The following FSD1L variants were observed in gnomAD, a reference collection of about 807,000 sequenced individuals.
The protein encoded by FSD1L is FSD1-like protein.
FSD1L carries 45 observed loss-of-function variants against 71.6 expected under a neutral mutation model. That is an observed-to-expected ratio of 0.63 (90% CI 0.49 to 0.81). The LOEUF (loss-of-function observed/expected upper bound fraction) is 0.81, where lower values mean the gene tolerates loss of function less well. FSD1L is among the 30% of genes least tolerant of loss of function. FSD1L has a pLI of 0.00. For synonymous variants in FSD1L, 197 were observed against 207.2 expected (o/e 0.95, Z 0.42); for missense variants, 561 against 618.1 (o/e 0.91, Z 0.98).
intron 1 of FSD1L, among the ~76,000 whole-genome samples, chr9:105,449,858 G>A (rs1443625503): frequency 6.6e-6 from 1 of 152,180 alleles, no homozygotes; most frequent in Non-Finnish European, 1.5e-5. Flanking sequence ...CGAATGATGT[G>A]TTAGGGTACC....
At chr9:105,442,959 A>G (rs1321707865), upstream of FSD1L, among the ~76,000 whole-genome samples, 1 of 152,220 alleles carries the variant, frequency 6.6e-6, no homozygotes, top group African/African-American at 2.4e-5. Flanking sequence ...CTTCCATACA[A>G]TAGCCCTAAA....
At chr9:105,485,913 G>C (rs1832520174) in intron 7 of FSD1L, among the ~76,000 whole-genome samples, 1 of 152,140 alleles carries the variant, frequency 6.6e-6, no homozygotes, top group African/African-American at 2.4e-5. Flanking sequence ...AAAGTGCTGG[G>C]ATTACAGGCG....
At chr9:105,514,294 T>C (rs1231029513) in intron 10 of FSD1L, among the ~76,000 whole-genome samples, 2 of 152,364 alleles carry the variant, frequency 1.3e-5, no homozygotes, top group East Asian at 3.9e-4. Flanking sequence ...TAATAGTCTA[T>C]GAGTAGACTA....
At chr9:105,522,702 A>C (rs1835253318) in intron 10 of FSD1L, 1 of 1,609,414 alleles carries the variant, frequency 6.2e-7, no homozygotes, top group African/African-American at 1.3e-5. Context: ...TAAAGAGGAC[A>C]TGAGCCAAAA....
chr9:105,458,711 T>C lies in FSD1L; in HGVS notation c.16-2809T>C, dbSNP rs147289478. 5.5e-3 allele frequency among the ~76,000 whole-genome samples: 835 copies of C among 152,308 alleles called. 10 individuals carry two copies. Among genetic ancestry groups the C allele is most frequent in the African/African-American group, 0.019 (809 of 41,580 alleles). On this transcript the variant is annotated intron_variant, in intron 1 of 13. Coordinates refer to ENST00000481272, the MANE Select transcript of FSD1L (RefSeq NM_001145313.3). ...CAGGGTTGTGGATTCCATCAGGAAC[T>C]GGCAGCCCAGTTTTCAGGCTTCAGA...
At chr9:105,544,792 G>A (rs1474001581) in intron 13 of FSD1L, among the ~76,000 whole-genome samples, 1 of 152,156 alleles carries the variant, frequency 6.6e-6, no homozygotes, top group African/African-American at 2.4e-5. Flanking sequence ...CTATATCTCT[G>A]TTTTGGTACC....
intron 8 of FSD1L, among the ~76,000 whole-genome samples, chr9:105,507,728 A>G (rs1011331954): frequency 6.6e-6 from 1 of 152,180 alleles, no homozygotes; most frequent in Non-Finnish European, 1.5e-5. Flanking sequence ...GTTATTGTAA[A>G]TTGTACCATC....
intron 7 of FSD1L, among the ~76,000 whole-genome samples, chr9:105,504,963 T>C (rs1271637696): frequency 1.3e-5 from 2 of 152,168 alleles, no homozygotes; most frequent in African/African-American, 4.8e-5. Flanking sequence ...ATATACAATT[T>C]CCCCTGTTAT....
In FSD1L at chr9:105,551,472, G is replaced by A. The variant is rs910443115; in HGVS notation, c.*4989G>A. The A allele has an allele frequency of 5.9e-5, 9 of 152,070 alleles. No individual in the cohort carries two copies. The highest frequency in any genetic ancestry group is 2.6e-4 in the Admixed American group (4 of 15,256). The allele number at this position is 152,070 out of a possible 1,614,324, so 9.4% of individuals were successfully genotyped here. ...TGTTGTGAGGAAATAAAATGAAATGGAGTATGTGAAATTGCTTCAGCAACA... is the reference window on the plus strand; with the variant it reads ...TGTTGTGAGGAAATAAAATGAAATGAAGTATGTGAAATTGCTTCAGCAACA... On this transcript the variant is annotated 3_prime_UTR_variant, in exon 14 of 14. Transcript: ENST00000481272.
At chr9:105,450,756 C>T in intron 1 of FSD1L, among the ~76,000 whole-genome samples, 1 of 151,726 alleles carries the variant, frequency 6.6e-6, no homozygotes, top group Admixed American at 6.6e-5. Flanking sequence ...TGGTCTCAAA[C>T]TCCTGACCTC....
intron 7 of FSD1L, among the ~76,000 whole-genome samples, chr9:105,495,969 TAA>T (rs753244834): frequency 1.1e-3 from 151 of 134,970 alleles, no homozygotes; most frequent in Non-Finnish European, 1.3e-3. Flanking sequence ...AGACTCCATC[TAA>T]AAAAAAAAAA....
At chr9:105,520,382 C>G (rs965210153) in intron 10 of FSD1L, 2 of 1,201,778 alleles carry the variant, frequency 1.7e-6, no homozygotes, top group African/African-American at 3.0e-5. Context: ...ATCTATTGAT[C>G]TTAAACAGTT....
At chr9:105,520,492 G>A (rs568026820) in intron 10 of FSD1L, 10 of 1,058,642 alleles carry the variant, frequency 9.4e-6, no homozygotes, top group Non-Finnish European at 1.5e-5. Context: ...TCAAAGAGAG[G>A]AACTGGATGC....
chr9:105,485,537 T>TG (rs1300436172), intron 7 of FSD1L, among the ~76,000 whole-genome samples: 7 of 149,270 alleles, frequency 4.7e-5, no homozygotes, highest in Non-Finnish European at 8.9e-5. Flanking sequence ...TTAGGTGTTT[T>TG]TTTTTTTTTT....
chr9:105,488,184 C>T (rs770835451), intron 7 of FSD1L, among the ~76,000 whole-genome samples: 3 of 152,170 alleles, frequency 2.0e-5, no homozygotes, highest in East Asian at 1.9e-4. Context: ...ATATTTTCAT[C>T]GTTCCTTACT....
chr9:105,520,526 T>C, intron 10 of FSD1L: 2 of 1,177,026 alleles, frequency 1.7e-6, no homozygotes, highest in Non-Finnish European at 2.5e-6. Context: ...TTTGAGAAAA[T>C]TTTACAACTT....
intron 4 of FSD1L, among the ~76,000 whole-genome samples, chr9:105,469,058 C>T (rs1039615070): frequency 6.6e-6 from 1 of 152,206 alleles, no homozygotes; most frequent in East Asian, 1.9e-4. Flanking sequence ...AGCATAATGT[C>T]CTCAAGATTT....
At position 105,471,905 on chromosome 9, in the gene FSD1L, G is replaced by A. The variant is rs781418038; in HGVS notation, c.341G>A (p.Ser114Asn). The A allele has an allele frequency of 2.6e-6, 3 of 1,135,884 alleles. No homozygotes were observed. The highest frequency in any genetic ancestry group is 2.3e-5 in the South Asian group (1 of 43,244). The allele number at this position is 1,135,884 out of a possible 1,614,324, so 70.4% of individuals were successfully genotyped here. ...TAGTTTTTTTTTTTTTTTCCCTAGA[G>A]TCAGATTAGTCAATGTAATAATGCC... ...EQARKSQELQSQISQCNNALE... is the reference protein window; with the variant it reads ...EQARKSQELQNQISQCNNALE... Residue 114 changes from serine (S) to asparagine (N), a missense_variant and splice_region_variant, in exon 5 of 14, where the codon AGT becomes AAT. By Grantham distance (46) the Ser-to-Asn change is conservative. Transcript: ENST00000481272.
At chr9:105,526,375 A>C (rs1452236286) in intron 10 of FSD1L, 1 of 1,612,976 alleles carries the variant, frequency 6.2e-7, no homozygotes, top group Non-Finnish European at 8.5e-7. Context: ...AGTTCTGTTT[A>C]TCTGAAGGCT....
Sources: gnomAD v4.1 joint callset for allele counts (sites outside exome capture counted in the v4.1 genomes callset) on GRCh38, gnomAD v4.1.1 for gene constraint, MANE v1.5 for transcripts, NCBI Gene and HGNC (gene_info 2026-07-23, HGNC 2026-07-21) for gene names.